PKNOX1: variants seen among roughly 807,000 people sequenced by gnomAD.
PKNOX1 encodes the protein PBX/knotted 1 homeobox 1.
PKNOX1 carries 15 observed loss-of-function variants against 51.9 expected under a neutral mutation model. The ratio of observed to expected loss-of-function variants is 0.29; its 90% CI spans 0.19 to 0.45. The LOEUF (loss-of-function observed/expected upper bound fraction) is 0.45, where lower values mean the gene tolerates loss of function less well. PKNOX1 is among the 20% of genes least tolerant of loss of function. The pLI is 1.00. For missense variants in PKNOX1, 462 were observed against 547.5 expected, an observed-to-expected ratio of 0.84 and a Z score of 1.56; for synonymous variants, 219 against 211.1, an observed-to-expected ratio of 1.04 and a Z score of -0.32.
chr21:43,009,540 G>C (rs1257488736), intron 3 of PKNOX1, among the ~76,000 whole-genome samples: 1 of 148,108 alleles, frequency 6.8e-6, no homozygotes, highest in Non-Finnish European at 1.5e-5. Flanking sequence ...AACCTGGGAG[G>C]GCAGAGGTTG....
At chr21:43,009,747 A>G (rs1338307391) in intron 3 of PKNOX1, among the ~76,000 whole-genome samples, 1 of 152,174 alleles carries the variant, frequency 6.6e-6, no homozygotes, top group Admixed American at 6.5e-5. Context: ...CAGAATGTCT[A>G]GGAGAGGCAA....
intron 1 of PKNOX1, among the ~76,000 whole-genome samples, chr21:42,992,744 T>TG (rs1273413375): frequency 6.9e-6 from 1 of 144,046 alleles, no homozygotes; most frequent in Non-Finnish European, 1.5e-5. Context: ...CTCACAGCAC[T>TG]GGGGGGTTCC....
intron 1 of PKNOX1, among the ~76,000 whole-genome samples, chr21:42,997,190 G>A (rs1002830739): frequency 2.6e-5 from 4 of 152,214 alleles, no homozygotes; most frequent in Middle Eastern, 3.4e-3. Flanking sequence ...CCCATATGCT[G>A]TTTATTTCAT....
At chr21:42,997,313 G>T (rs1601281962) in intron 1 of PKNOX1, among the ~76,000 whole-genome samples, 1 of 152,216 alleles carries the variant, frequency 6.6e-6, no homozygotes, top group African/African-American at 2.4e-5. Flanking sequence ...CCTGTGTGGG[G>T]ATGGAGGTTG....
Position 43,009,209 on chromosome 21 carries a change from A to C in PKNOX1, c.180-844A>C, listed in dbSNP as rs1979131403. Among the ~76,000 whole-genome samples, 3 of 152,200 alleles carry C rather than the reference A, an allele frequency of 2.0e-5. No homozygotes were observed. In the South Asian group the frequency reaches 6.2e-4, roughly 32 times the overall value. ...ACGCCTGTAATCCCAGCACTTTGGG[A>C]GGCTGAGGCGGTTGGATCATCTGAG... On this transcript the variant is annotated intron_variant, in intron 3 of 10. Coordinates refer to ENST00000291547, the MANE Select transcript of PKNOX1 (RefSeq NM_004571.5).
At position 43,032,018 on chromosome 21, in the gene PKNOX1, C is replaced by T; in HGVS notation, c.*1917C>T. Reference sequence around the variant, plus strand: ...CTGGGATTACAGGCATGCGCCACCACACCCGGCTAATTTTGTATTTTTAGT... The same window carrying T: ...CTGGGATTACAGGCATGCGCCACCATACCCGGCTAATTTTGTATTTTTAGT... On this transcript the variant is annotated 3_prime_UTR_variant, in exon 11 of 11. Transcript: ENST00000291547. 2.7e-6 allele frequency: 1 copy of T among 370,130 alleles called. No individual in the cohort carries two copies. The highest frequency in any genetic ancestry group is 5.4e-6 in the Non-Finnish European group (1 of 184,084). 22.9% of individuals were successfully genotyped at this position (370,130 alleles called of 1,614,324 possible).
At chr21:43,009,850 T>A (rs778709729) in intron 3 of PKNOX1, among the ~76,000 whole-genome samples, 2 of 152,116 alleles carry the variant, frequency 1.3e-5, no homozygotes, top group Non-Finnish European at 2.9e-5. Flanking sequence ...TTTGCGGGGA[T>A]CATGGAAATG....
At chr21:42,982,809 A>G (rs1374280310) in intron 1 of PKNOX1, among the ~76,000 whole-genome samples, 1 of 151,802 alleles carries the variant, frequency 6.6e-6, no homozygotes, top group Non-Finnish European at 1.5e-5. Flanking sequence ...GTATTTGAGC[A>G]TACTTTTTTT....
intron 1 of PKNOX1, among the ~76,000 whole-genome samples, chr21:42,987,832 A>G (rs1460626624): frequency 1.3e-5 from 2 of 151,620 alleles, no homozygotes; most frequent in Non-Finnish European, 2.9e-5. Context: ...GTTAGCCAGG[A>G]TGGTCTCGAT....
intron 10 of PKNOX1, among the ~76,000 whole-genome samples, chr21:43,029,604 T>C (rs924635307): frequency 1.3e-5 from 2 of 151,584 alleles, no homozygotes; most frequent in Non-Finnish European, 2.9e-5. Context: ...GCTAATTTTT[T>C]GTATTTTTAG....
At chr21:43,022,989 A>G (rs981967496) in intron 8 of PKNOX1, among the ~76,000 whole-genome samples, 1 of 152,110 alleles carries the variant, frequency 6.6e-6, no homozygotes. Context: ...GTTTCCTTTA[A>G]TGTTTTAATA....
intron 1 of PKNOX1, among the ~76,000 whole-genome samples, chr21:42,985,610 C>T (rs1234582666): frequency 6.6e-6 from 1 of 151,204 alleles, no homozygotes; most frequent in Non-Finnish European, 1.5e-5. Context: ...GCTGAGATTA[C>T]AGGAGTGAGC....
chr21:43,029,177 C>T (rs1002645735), intron 10 of PKNOX1, among the ~76,000 whole-genome samples: 5 of 152,176 alleles, frequency 3.3e-5, no homozygotes, highest in Admixed American at 2.0e-4. Context: ...TGTGTTTGCT[C>T]TCCTTTTCCC....
intron 1 of PKNOX1, among the ~76,000 whole-genome samples, chr21:42,984,801 C>G (rs1398039791): frequency 6.6e-6 from 1 of 151,992 alleles, no homozygotes; most frequent in Non-Finnish European, 1.5e-5. Context: ...GTCCCTCTGA[C>G]CCACCAAGCT....
chr21:43,014,254 C>T (rs1185483716), intron 5 of PKNOX1, among the ~76,000 whole-genome samples: 1 of 152,118 alleles, frequency 6.6e-6, no homozygotes, highest in East Asian at 1.9e-4. Context: ...ATCTCCTGAC[C>T]TCGTGATCCG....
At chr21:43,006,893 T>A (rs2146265218) in intron 2 of PKNOX1, among the ~76,000 whole-genome samples, 1 of 152,376 alleles carries the variant, frequency 6.6e-6, no homozygotes, top group African/African-American at 2.4e-5. Flanking sequence ...TGATTTTTTT[T>A]AACGATTTAA....
intron 2 of PKNOX1, among the ~76,000 whole-genome samples, chr21:43,004,954 T>C (rs898598981): frequency 1.3e-5 from 2 of 152,220 alleles, no homozygotes; most frequent in Admixed American, 6.5e-5. Flanking sequence ...CCTCCCACCA[T>C]AGATGAGACT....
intron 8 of PKNOX1, among the ~76,000 whole-genome samples, chr21:43,022,901 T>TA (rs1271370971): frequency 2.0e-5 from 3 of 152,168 alleles, no homozygotes; most frequent in African/African-American, 2.4e-5. Context: ...TTGCGATTAT[T>TA]ACAGCCAATC....
rs529334855 is a variant in PKNOX1, at chr21:43,018,264, C to T, written c.720+34C>T. On this transcript the variant is annotated intron_variant, in intron 7 of 10. Coordinates refer to ENST00000291547, the MANE Select transcript of PKNOX1 (RefSeq NM_004571.5). ...GCCATTTTATGGAAGGCTTTGGGGGCGAGTGCTGCCCACATAGGGGCACAG... is the reference window on the plus strand; with the variant it reads ...GCCATTTTATGGAAGGCTTTGGGGGTGAGTGCTGCCCACATAGGGGCACAG... 4.1e-5 allele frequency: 57 copies of T among 1,387,260 alleles called. 2 individuals carry two copies. The highest frequency in any genetic ancestry group is 3.1e-4 in the South Asian group (27 of 86,498). 85.9% of individuals were successfully genotyped at this position (1,387,260 alleles called of 1,614,324 possible). A position where few individuals can be genotyped will look rare whatever the true frequency, so the allele number is the denominator to read the frequency against.
Sources: allele counts gnomAD v4.1 joint callset (sites outside exome capture counted in the v4.1 genomes callset), GRCh38; gene constraint gnomAD v4.1.1; transcripts MANE v1.5; gene names NCBI Gene and HGNC (gene_info 2026-07-23, HGNC 2026-07-21).